The following NRDC variants were observed in gnomAD, a reference collection of about 807,000 sequenced individuals.
NRDC encodes nardilysin.
In NRDC, 54 loss-of-function variants were observed where a neutral mutation model predicts 147.1. The observed-to-expected ratio is 0.37, with a 90% CI of 0.29 to 0.46. The LOEUF (loss-of-function observed/expected upper bound fraction) is 0.46, where lower values mean the gene tolerates loss of function less well. Ranked by LOEUF, NRDC falls within the 20% of genes least tolerant of loss-of-function variation. The pLI, the probability that NRDC is intolerant of heterozygous loss-of-function variation, is 1.00. For synonymous variants in NRDC, 440 were observed against 482.1 expected, an observed-to-expected ratio of 0.91 and a Z score of 1.14; for missense variants, 1,082 against 1,370.6, an observed-to-expected ratio of 0.79 and a Z score of 3.33.
chr1:51,878,200 G>T, intron 1 of NRDC, 75 bp downstream of exon 1: 2 of 1,499,640 alleles, frequency 1.3e-6, no homozygotes, highest in South Asian at 1.2e-5. Flanking sequence ...GAGACATGGA[G>T]ACAAGAAGTG....
chr1:51,812,127 GA>G (rs1292995663), intron 14 of NRDC, 29 bp from the exon 15 acceptor site: 1 of 1,416,310 alleles, frequency 7.1e-7, no homozygotes, highest in Non-Finnish European at 1.0e-6. Context: ...TTTCACACCA[GA>G]ACTTCTCCAT....
chr1:51,842,447 C>T (rs972248600), intron 1 of NRDC, among the ~76,000 whole-genome samples: 2 of 151,902 alleles, frequency 1.3e-5, no homozygotes, highest in Non-Finnish European at 2.9e-5. Flanking sequence ...TAAATAAGAG[C>T]AAAGAGAGCC....
Position 51,798,275 on chromosome 1 carries a change from G to C in NRDC, c.2578C>G (p.Leu860Val), listed in dbSNP as rs770819226. 17 of 1,614,016 alleles carry C rather than the reference G, an allele frequency of 1.1e-5. No homozygotes were observed. In the East Asian group the frequency reaches 3.1e-4, roughly 30 times the overall value. Residue 860 changes from leucine (L) to valine (V), a missense_variant, in exon 22 of 31, where the codon CTG becomes GTG. Physicochemically the swap from Leu to Val is conservative, Grantham distance 32. Transcript: ENST00000352171. ...EFKSQLFVEG[L>V]VQGNVTSTES... ...GTGCTTGTGACATTCCCTTGTACCA[G>C]GCCCTCCACAAAGAGCTGGGATTTG...
At chr1:51,789,688 T>A (rs971385569) in intron 29 of NRDC, 31 bp from the exon 30 acceptor site, 1 of 1,501,020 alleles carries the variant, frequency 6.7e-7, no homozygotes. Flanking sequence ...AGGAAAGAAA[T>A]TCAAGAAGAA....
intron 1 of NRDC, among the ~76,000 whole-genome samples, chr1:51,850,774 A>C (rs1301134898): frequency 6.6e-6 from 1 of 152,156 alleles, no homozygotes; most frequent in East Asian, 1.9e-4. Context: ...CTATCCTGAA[A>C]TTTACCCCTG....
chr1:51,854,515 G>T (rs1682140826), intron 1 of NRDC, among the ~76,000 whole-genome samples: 1 of 152,182 alleles, frequency 6.6e-6, no homozygotes, highest in Non-Finnish European at 1.5e-5. Context: ...GATGACGCAG[G>T]GACCCCAAGC....
rs1169549664 is a variant in NRDC, at chr1:51,805,805, C to T, written c.2111-244G>A. Among the ~76,000 whole-genome samples the T allele has an allele frequency of 2.0e-5, 3 of 152,028 alleles. No individual in the cohort carries two copies. In the East Asian group the frequency reaches 5.8e-4, roughly 29 times the overall value. Reference sequence around the variant, plus strand: ...ACATAAGGGCAGATACTTAGAGAGGCCTATAAATACTCTTATTAATAGCTT... The same window carrying T: ...ACATAAGGGCAGATACTTAGAGAGGTCTATAAATACTCTTATTAATAGCTT... On this transcript the variant is annotated intron_variant, in intron 18 of 30. Transcript: ENST00000352171.
intron 1 of NRDC, among the ~76,000 whole-genome samples, chr1:51,846,513 G>A (rs117705971): frequency 0.012 from 1,897 of 152,370 alleles, 69 homozygotes; most frequent in East Asian, 0.099. Flanking sequence ...GGAGCCCCGC[G>A]GTGAGTGTTA....
intron 4 of NRDC, among the ~76,000 whole-genome samples, chr1:51,833,417 C>T (rs1246084461): frequency 1.4e-5 from 2 of 147,346 alleles, no homozygotes; most frequent in Non-Finnish European, 3.0e-5. Context: ...CCAGCCTAGG[C>T]ACCATGGCAA....
chr1:51,833,533 C>A (rs182032112), intron 4 of NRDC, among the ~76,000 whole-genome samples: 1 of 151,170 alleles, frequency 6.6e-6, no homozygotes. Context: ...TTATTTTAAT[C>A]TTTAATACAA....
chr1:51,790,895 G>A lies in NRDC; in HGVS notation c.3051+5C>T. 6.2e-7 allele frequency: 1 copy of A among 1,610,624 alleles called. No homozygotes were observed. Reference sequence around the variant, plus strand: ...AAGGCCAAAAGACCAGGCTGGCACAGTCACCTGGGTGTTGAATGCCTCTTC... The same window carrying A: ...AAGGCCAAAAGACCAGGCTGGCACAATCACCTGGGTGTTGAATGCCTCTTC... On this transcript the variant is annotated splice_donor_5th_base_variant and intron_variant, in intron 28 of 30. Transcript: ENST00000352171.
At chr1:51,851,437 A>T (rs1033401798) in intron 1 of NRDC, among the ~76,000 whole-genome samples, 1 of 151,200 alleles carries the variant, frequency 6.6e-6, no homozygotes, top group South Asian at 2.1e-4. Context: ...CAAACCTTTA[A>T]TGCCTTGTCC....
intron 1 of NRDC, among the ~76,000 whole-genome samples, chr1:51,843,736 G>A (rs1181520640): frequency 1.3e-5 from 2 of 151,950 alleles, no homozygotes; most frequent in African/African-American, 4.8e-5. Context: ...TAAAATCCAA[G>A]AGCTATTTTC....
chr1:51,789,260 G>A lies in NRDC; in HGVS notation c.3432C>T (p.Leu1144=), dbSNP rs762601134. The change falls in exon 31 of 31, where the codon CTC becomes CTT. Residue 1144 remains leucine, a synonymous_variant. Transcript: ENST00000352171. ...TTTATTTGACTATTTTATGGTAGGG[G>A]AGAAGGTTGAGTGTTGTTGTGAAAG... ...IRAFTTTLNL[L]PYHKIVK 1 of 1,614,130 alleles carries A rather than the reference G, an allele frequency of 6.2e-7. No homozygotes were observed. The highest frequency in any genetic ancestry group is 8.5e-7 in the Non-Finnish European group (1 of 1,179,986).
intron 22 of NRDC, chr1:51,797,980 G>A: frequency 2.7e-6 from 1 of 371,370 alleles, no homozygotes; most frequent in Non-Finnish European, 4.9e-6. Flanking sequence ...GTGTTGCCTG[G>A]ACTGGTCTCG....
chr1:51,806,262 T>C (rs1209985017), intron 18 of NRDC, among the ~76,000 whole-genome samples: 2 of 152,222 alleles, frequency 1.3e-5, no homozygotes, highest in African/African-American at 2.4e-5. Flanking sequence ...GCTTTCACAT[T>C]TGTAATGCTG....
Position 51,790,660 on chromosome 1 carries a change from C to CA in NRDC, c.3052-12dup. On this transcript the variant is annotated splice_polypyrimidine_tract_variant and intron_variant, in intron 28 of 30. Coordinates refer to ENST00000352171, the MANE Select transcript of NRDC (RefSeq NM_001101662.2). The stretch of plus-strand genomic sequence containing the variant: ...GATGAGAGCTGTGACCTGTTCCCAC[C>CA]AAAAAGAAAGATGCTCAGGTGAGGC... 2.5e-6 allele frequency: 4 copies of CA among 1,584,350 alleles called. No individual in the cohort carries two copies. The highest frequency in any genetic ancestry group is 2.2e-5 in the East Asian group (1 of 44,746).
chr1:51,821,659 A>G, intron 7 of NRDC, 104 bp from the exon 8 acceptor site: 1 of 825,280 alleles, frequency 1.2e-6, no homozygotes, highest in South Asian at 1.6e-5. Flanking sequence ...AAACAAAGGG[A>G]TATTTTAATT....
At chr1:51,811,523 C>T (rs1284721298) in intron 15 of NRDC, among the ~76,000 whole-genome samples, 2 of 152,186 alleles carry the variant, frequency 1.3e-5, no homozygotes, top group African/African-American at 4.8e-5. Context: ...GAAGGAATGA[C>T]CCTGACCGAC....
Sources: allele counts gnomAD v4.1 joint callset (sites outside exome capture counted in the v4.1 genomes callset), GRCh38; gene constraint gnomAD v4.1.1; transcripts MANE v1.5; gene names NCBI Gene and HGNC (gene_info 2026-07-23, HGNC 2026-07-21).